The following PTCSC3 variants were observed in gnomAD, a reference collection of about 807,000 sequenced individuals.
PTCSC3 encodes the protein papillary thyroid carcinoma susceptibility candidate 3.
At chr14:36,158,864 C>G (rs1401381978) in intron 2 of PTCSC3, among the ~76,000 whole-genome samples, 1 of 152,158 alleles carries the variant, frequency 6.6e-6, no homozygotes, top group Non-Finnish European at 1.5e-5. Context: ...TAGAATTTGG[C>G]TGTGAATCCA....
In PTCSC3 at chr14:36,151,290, G is replaced by A. The variant is rs187372450; in HGVS notation, n.322+2514C>T. The stretch of plus-strand genomic sequence containing the variant: ...TCTGTAGGTAAGGTATTACCCCCCC[G>A]CCCCTGCCCTCTGGCTTTTTTCAAG... On this transcript the variant is annotated intron_variant and non_coding_transcript_variant, in intron 3 of 3. Coordinates refer to ENST00000556013, the Ensembl canonical transcript of PTCSC3. Among the ~76,000 whole-genome samples the A allele has an allele frequency of 2.1e-3, 304 of 147,932 alleles. 3 individuals carry two copies. The highest frequency in any genetic ancestry group is 6.5e-3 in the African/African-American group (261 of 40,032).
At chr14:36,153,551 T>C (rs1881768018) in intron 3 of PTCSC3, among the ~76,000 whole-genome samples, 1 of 152,190 alleles carries the variant, frequency 6.6e-6, no homozygotes. Flanking sequence ...CTTTGGAACA[T>C]TCTTTGGCAG....
chr14:36,161,816 C>T (rs992159234), intron 2 of PTCSC3, among the ~76,000 whole-genome samples: 3 of 152,216 alleles, frequency 2.0e-5, no homozygotes, highest in African/African-American at 4.8e-5. Flanking sequence ...GCTGAAGTTG[C>T]ACCCGCAACC....
chr14:36,168,729 C>G (rs549432160), intron 1 of PTCSC3, among the ~76,000 whole-genome samples: 4 of 152,244 alleles, frequency 2.6e-5, no homozygotes, highest in African/African-American at 9.6e-5. Flanking sequence ...AATCCTCCCA[C>G]CTCAGCCTCC....
exon 2 of PTCSC3, chr14:36,162,673 G>A (rs545467617): frequency 1.3e-5 from 2 of 152,186 alleles, no homozygotes; most frequent in African/African-American, 4.8e-5. Flanking sequence ...GCTCCTATTC[G>A]GCCATTTTGC....
intron 3 of PTCSC3, among the ~76,000 whole-genome samples, chr14:36,147,528 A>C (rs1295091374): frequency 1.3e-5 from 2 of 152,042 alleles, no homozygotes; most frequent in Non-Finnish European, 2.9e-5. Flanking sequence ...TCCTTTAAGC[A>C]CTTCTCTGTA....
At chr14:36,170,057 C>T (rs1882164931) in intron 1 of PTCSC3, among the ~76,000 whole-genome samples, 1 of 152,010 alleles carries the variant, frequency 6.6e-6, no homozygotes, top group East Asian at 1.9e-4. Flanking sequence ...TTCAGCTTTA[C>T]GTTTGTGTTT....
At chr14:36,164,322 G>A (rs1469772915) in intron 1 of PTCSC3, 1 of 152,102 alleles carries the variant, frequency 6.6e-6, no homozygotes. Context: ...TTTTTACTTA[G>A]GAGAATATAA....
intron 2 of PTCSC3, among the ~76,000 whole-genome samples, chr14:36,154,845 TA>T (rs1384218978): frequency 6.6e-6 from 1 of 152,222 alleles, no homozygotes; most frequent in African/African-American, 2.4e-5. Flanking sequence ...AATTGTTATG[TA>T]AAATGTCTAA....
At chr14:36,148,206 C>T (rs1304043944) in intron 3 of PTCSC3, among the ~76,000 whole-genome samples, 1,730 of 150,436 alleles carry the variant, frequency 0.011, 36 homozygotes, top group African/African-American at 0.039. Flanking sequence ...TTGAGCTTCC[C>T]GGCTGCTTTG....
chr14:36,143,024 GTA>G (rs1208113818), intron 3 of PTCSC3, among the ~76,000 whole-genome samples: 2 of 151,216 alleles, frequency 1.3e-5, no homozygotes, highest in Non-Finnish European at 3.0e-5. Context: ...TCCATGGTGT[GTA>G]TGTGCCACAT....
chr14:36,168,507 A>G (rs1054200945), intron 1 of PTCSC3, among the ~76,000 whole-genome samples: 3 of 151,762 alleles, frequency 2.0e-5, no homozygotes, highest in African/African-American at 7.3e-5. Context: ...TATGCTGTCT[A>G]CTGTATTCTT....
intron 3 of PTCSC3, among the ~76,000 whole-genome samples, chr14:36,152,296 G>T (rs1182351727): frequency 6.6e-6 from 1 of 151,510 alleles, no homozygotes; most frequent in Non-Finnish European, 1.5e-5. Context: ...TTCATCAAAA[G>T]ACATCAAGAA....
intron 1 of PTCSC3, among the ~76,000 whole-genome samples, chr14:36,168,701 A>G (rs983842576): frequency 6.6e-6 from 1 of 152,102 alleles, no homozygotes; most frequent in African/African-American, 2.4e-5. Flanking sequence ...CTGCAGCCTC[A>G]AACTCCTGGG....
chr14:36,173,700 C>G (rs1226209615), intron 1 of PTCSC3, among the ~76,000 whole-genome samples: 2 of 152,022 alleles, frequency 1.3e-5, no homozygotes, highest in Non-Finnish European at 2.9e-5. Flanking sequence ...ATTTAACATT[C>G]CTGGTGCCCT....
At chr14:36,162,374 A>C (rs975196043) in intron 2 of PTCSC3, among the ~76,000 whole-genome samples, 2 of 151,900 alleles carry the variant, frequency 1.3e-5, no homozygotes, top group African/African-American at 4.8e-5. Context: ...ACTGGAGGGA[A>C]TCTCCTGGTC....
chr14:36,162,258 GAAAAAAAAAAA>G (rs58223160), intron 2 of PTCSC3, among the ~76,000 whole-genome samples: 290 of 106,540 alleles, frequency 2.7e-3, no homozygotes, highest in Middle Eastern at 9.7e-3. Flanking sequence ...CTGGGGTATG[GAAAAAAAAAAA>G]AAAAAAAAAA....
chr14:36,171,606 AT>A (rs1882194040), intron 1 of PTCSC3, among the ~76,000 whole-genome samples: 2 of 152,260 alleles, frequency 1.3e-5, no homozygotes, highest in Admixed American at 6.5e-5. Flanking sequence ...CTATAATCCC[AT>A]TGCTTTCATG....
chr14:36,170,064 G>A (rs1284484321), intron 1 of PTCSC3, among the ~76,000 whole-genome samples: 1 of 152,020 alleles, frequency 6.6e-6, no homozygotes, highest in African/African-American at 2.4e-5. Flanking sequence ...TTACGTTTGT[G>A]TTTTCAAAAG....
Sources: gnomAD v4.1 joint callset for allele counts (sites outside exome capture counted in the v4.1 genomes callset) on GRCh38, gnomAD v4.1.1 for gene constraint, MANE v1.5 for transcripts, NCBI Gene and HGNC (gene_info 2026-07-23, HGNC 2026-07-21) for gene names.